The following RFX3 variants were observed in gnomAD, a reference collection of about 807,000 sequenced individuals.
RFX3 encodes the protein transcription factor RFX3.
A neutral mutation model predicts 98.6 loss-of-function variants in RFX3; 14 were observed. The observed-to-expected ratio is 0.14, with a 90% CI of 0.09 to 0.22. The LOEUF (loss-of-function observed/expected upper bound fraction) is 0.22, where lower values mean the gene tolerates loss of function less well. Ranked by LOEUF, RFX3 falls within the 10% of genes least tolerant of loss-of-function variation. RFX3 has a pLI of 1.00. For missense variants in RFX3, 639 were observed against 926.9 expected (o/e 0.69, Z 4.03); for synonymous variants, 383 against 328.4 (o/e 1.17, Z -1.80).
At chr9:3,257,355 G>C (rs764660264) in intron 13 of RFX3, among the ~76,000 whole-genome samples, 156 bp from the exon 14 acceptor site, 23 of 152,002 alleles carry the variant, frequency 1.5e-4, no homozygotes, top group Non-Finnish European at 2.8e-4. Context: ...TCAATTGTTA[G>C]GGTAACACAA....
chr9:3,471,485 T>C (rs1848770258), intron 1 of RFX3, among the ~76,000 whole-genome samples: 1 of 152,218 alleles, frequency 6.6e-6, no homozygotes, highest in African/African-American at 2.4e-5. Flanking sequence ...CAACATATCT[T>C]TGAAACATTT....
chr9:3,235,613 A>AT (rs1292317851), intron 15 of RFX3, among the ~76,000 whole-genome samples: 6 of 151,834 alleles, frequency 4.0e-5, no homozygotes, highest in African/African-American at 1.5e-4. Flanking sequence ...CTAGAAAAGA[A>AT]TTTTTTTTAC....
intron 2 of RFX3, among the ~76,000 whole-genome samples, chr9:3,378,557 T>C (rs1257411262): frequency 2.2e-5 from 3 of 138,340 alleles, no homozygotes. Context: ...TTTTCTTTCT[T>C]TTTTTTTTTT....
At chr9:3,337,870 G>A (rs1833371950) in intron 3 of RFX3, among the ~76,000 whole-genome samples, 1 of 152,164 alleles carries the variant, frequency 6.6e-6, no homozygotes, top group African/African-American at 2.4e-5. Flanking sequence ...AAATTATGGA[G>A]TTTTTACATG....
chr9:3,485,542 T>C (rs1850188346), intron 1 of RFX3, among the ~76,000 whole-genome samples: 1 of 152,208 alleles, frequency 6.6e-6, no homozygotes, highest in African/African-American at 2.4e-5. Flanking sequence ...TGACTAATTT[T>C]TTGCTTCCCT....
chr9:3,501,422 C>T (rs190629057), intron 1 of RFX3, among the ~76,000 whole-genome samples: 2 of 151,862 alleles, frequency 1.3e-5, no homozygotes, highest in South Asian at 4.2e-4. Context: ...AAAATTACTC[C>T]GAGGGCCATA....
At chr9:3,425,921 C>T (rs547276916) in intron 1 of RFX3, among the ~76,000 whole-genome samples, 16 of 152,122 alleles carry the variant, frequency 1.1e-4, no homozygotes, top group African/African-American at 3.6e-4. Flanking sequence ...TGTTGGAGAT[C>T]GTAAAACAAA....
At chr9:3,513,635 T>A (rs1043743684) in intron 1 of RFX3, among the ~76,000 whole-genome samples, 3 of 152,198 alleles carry the variant, frequency 2.0e-5, no homozygotes, top group African/African-American at 7.2e-5. Flanking sequence ...ACTTCAAAGT[T>A]TATCACGGGC....
chr9:3,269,539 T>A (rs1031779357), intron 11 of RFX3, among the ~76,000 whole-genome samples: 5 of 152,148 alleles, frequency 3.3e-5, no homozygotes, highest in African/African-American at 1.2e-4. Flanking sequence ...TGTGTACTCA[T>A]ATAGATATAG....
At chr9:3,273,990 A>G (rs1352363072) in intron 9 of RFX3, among the ~76,000 whole-genome samples, 1 of 152,216 alleles carries the variant, frequency 6.6e-6, no homozygotes, top group African/African-American at 2.4e-5. Context: ...TGATAAATGT[A>G]GAAAGAAATA....
At chr9:3,407,026 T>G (rs1033671955) in intron 1 of RFX3, among the ~76,000 whole-genome samples, 35 of 152,326 alleles carry the variant, frequency 2.3e-4, no homozygotes, top group Admixed American at 2.0e-3. Flanking sequence ...GATCCAATGC[T>G]CTAATCATGT....
chr9:3,510,853 T>G (rs997210110), intron 1 of RFX3, among the ~76,000 whole-genome samples: 2 of 152,064 alleles, frequency 1.3e-5, no homozygotes, highest in Non-Finnish European at 2.9e-5. Context: ...TATTTACTTT[T>G]GAAAAGTATA....
chr9:3,510,295 C>T (rs1817542463), intron 1 of RFX3, among the ~76,000 whole-genome samples: 1 of 151,830 alleles, frequency 6.6e-6, no homozygotes, highest in East Asian at 1.9e-4. Context: ...CAAACAGGGC[C>T]AGGTTATAAG....
intron 1 of RFX3, among the ~76,000 whole-genome samples, chr9:3,503,221 G>A (rs1431248673): frequency 2.0e-5 from 3 of 152,080 alleles, no homozygotes; most frequent in African/African-American, 7.2e-5. Flanking sequence ...AAATGCCTGG[G>A]CATATTTGCA....
intron 8 of RFX3, 90 bp from the exon 9 acceptor site, chr9:3,275,702 A>G: frequency 1.5e-6 from 1 of 685,448 alleles, no homozygotes; most frequent in South Asian, 2.2e-5. Flanking sequence ...ACCAAAAAGA[A>G]AAACAAATTT....
In RFX3 at chr9:3,383,118, C is replaced by T. The variant is rs142407087; in HGVS notation, c.117+12354G>A. ...ACAAAATATTCCTTTCCGCAGATTACCCAGATGCTAATATTTTACTACATG... is the reference window on the plus strand; with the variant it reads ...ACAAAATATTCCTTTCCGCAGATTATCCAGATGCTAATATTTTACTACATG... On this transcript the variant is annotated intron_variant, in intron 2 of 16. Transcript: ENST00000617270. Among the ~76,000 whole-genome samples the T allele has an allele frequency of 3.3e-5, 5 of 152,196 alleles. No homozygotes were observed. In the East Asian group the frequency reaches 9.6e-4, roughly 29 times the overall value.
chr9:3,374,450 G>A (rs1838222533), intron 2 of RFX3, among the ~76,000 whole-genome samples: 1 of 152,202 alleles, frequency 6.6e-6, no homozygotes, highest in East Asian at 1.9e-4. Context: ...GGGCCAAAAG[G>A]TGGAAGCAAC....
chr9:3,429,209 A>G (rs1318252691), intron 1 of RFX3, among the ~76,000 whole-genome samples: 1 of 150,634 alleles, frequency 6.6e-6, no homozygotes, highest in Non-Finnish European at 1.5e-5. Flanking sequence ...TTTTTAGTAG[A>G]AACGGGGTTT....
intron 15 of RFX3, among the ~76,000 whole-genome samples, chr9:3,230,709 T>A (rs150325057): frequency 7.2e-5 from 11 of 152,348 alleles, no homozygotes; most frequent in Admixed American, 4.6e-4. Context: ...AGGGAATACT[T>A]AACACTTAAG....
Sources: gnomAD v4.1 joint callset for allele counts (sites outside exome capture counted in the v4.1 genomes callset) on GRCh38, gnomAD v4.1.1 for gene constraint, MANE v1.5 for transcripts, NCBI Gene and HGNC (gene_info 2026-07-23, HGNC 2026-07-21) for gene names.